Variants in ATRX observed in about 807,000 individuals in gnomAD.
ATRX encodes ATRX chromatin remodeler.
ATRX carries 12 observed loss-of-function variants against 172.6 expected under a neutral mutation model. The observed-to-expected ratio is 0.07, with a 90% CI of 0.04 to 0.11. The LOEUF (loss-of-function observed/expected upper bound fraction) is 0.11, where lower values mean the gene tolerates loss of function less well. Ranked by LOEUF, ATRX falls within the 10% of genes least tolerant of loss-of-function variation. The probability of loss-of-function intolerance (pLI) is 1.00; values close to 1 mark genes in which losing one functional copy is unlikely to be tolerated. For missense variants in ATRX, 1,368 were observed against 1,767.4 expected (o/e 0.77, Z 4.05); for synonymous variants, 674 against 594.7 (o/e 1.13, Z -1.94).
At chrX:77,561,944 C>T (rs1208843588) in intron 28 of ATRX, among the ~76,000 whole-genome samples, 1 of 111,549 alleles carries the variant, frequency 9.0e-6, no homozygotes, top group Non-Finnish European at 1.9e-5. Flanking sequence ...TGTAGAATCA[C>T]ATAACCATTA....
At chrX:77,718,794 C>T (rs2073590392) in intron 1 of ATRX, among the ~76,000 whole-genome samples, 1 of 108,871 alleles carries the variant, frequency 9.2e-6, no homozygotes, top group African/African-American at 3.4e-5. Context: ...TAGAGTTAGC[C>T]TCTTGCTCTG....
intron 30 of ATRX, among the ~76,000 whole-genome samples, chrX:77,533,338 C>T (rs2063644070): frequency 8.9e-6 from 1 of 112,123 alleles, no homozygotes; most frequent in Admixed American, 9.5e-5. Flanking sequence ...ATGTTCACTG[C>T]AGCACTATTT....
intron 1 of ATRX, among the ~76,000 whole-genome samples, chrX:77,750,663 A>G (rs1181595955): frequency 9.1e-6 from 1 of 109,432 alleles, no homozygotes; most frequent in Admixed American, 9.9e-5. Context: ...ATTTGTCCTA[A>G]TGCACTCCCT....
At chrX:77,635,887 A>G (rs1432389382) in intron 16 of ATRX, 28 bp downstream of exon 16, 2 of 1,174,604 alleles carry the variant, frequency 1.7e-6, no homozygotes, top group East Asian at 3.0e-5. Flanking sequence ...TTAACTAAAA[A>G]TTATTGAATC....
rs2074550684 is a variant in ATRX at position 77,736,110 on chromosome X, C to A, written c.21-18867G>T. On this transcript the variant is annotated intron_variant, in intron 1 of 34. Transcript: ENST00000373344. ...TTATCTAAAACTTCAATTTATGAAT[C>A]CTCTACAAGAAAACATTGGGGAAAC... 2.7e-5 allele frequency among the ~76,000 whole-genome samples: 3 copies of A among 111,359 alleles called. No homozygotes were observed. The South Asian group carries it at 1.1e-3, about 41-fold the overall frequency.
chrX:77,689,280 TG>T (rs1470189396), intron 6 of ATRX, among the ~76,000 whole-genome samples: 3 of 112,071 alleles, frequency 2.7e-5, no homozygotes, highest in African/African-American at 9.7e-5. Flanking sequence ...CCTTAAAGAA[TG>T]GGGAAGTAAG....
chrX:77,716,074 C>T (rs2073360946), intron 2 of ATRX, among the ~76,000 whole-genome samples: 1 of 101,655 alleles, frequency 9.8e-6, no homozygotes, highest in African/African-American at 3.7e-5. Flanking sequence ...AGTCCAAGAC[C>T]AGTCTGGACA....
At chrX:77,676,447 T>C (rs1363047763) in intron 9 of ATRX, 149 bp from the exon 10 acceptor site, 26 of 418,378 alleles carry the variant, frequency 6.2e-5, no homozygotes, top group Admixed American at 5.2e-4. Context: ...AGCATTCTTA[T>C]AGAAAACATA....
chrX:77,561,531 G>T (rs1410157850), intron 28 of ATRX: 1 of 110,718 alleles, frequency 9.0e-6, no homozygotes, highest in Non-Finnish European at 1.9e-5. Flanking sequence ...TTTGATAAAA[G>T]CATTTCTGTC....
chrX:77,573,990 A>T lies in ATRX; in HGVS notation c.6326+260T>A, dbSNP rs782272475. On this transcript the variant is annotated intron_variant, in intron 28 of 34. Transcript: ENST00000373344. ...AATGGAAGACTATACAACAATTTTT[A>T]AAAATTATTGGTATATGCAACAATG... 4.5e-5 allele frequency among the ~76,000 whole-genome samples: 5 copies of T among 111,174 alleles called. No individual in the cohort carries two copies. In the South Asian group the frequency reaches 1.1e-3, roughly 25 times the overall value.
chrX:77,628,673 T>A (rs1219351889), intron 19 of ATRX, among the ~76,000 whole-genome samples: 1 of 112,104 alleles, frequency 8.9e-6, no homozygotes, highest in Non-Finnish European at 1.9e-5. Context: ...ATCTCAGTGA[T>A]CATAGTTCAC....
chrX:77,519,564 G>A (rs369625803), intron 34 of ATRX, among the ~76,000 whole-genome samples: 6 of 110,797 alleles, frequency 5.4e-5, no homozygotes, highest in Admixed American at 1.9e-4. Flanking sequence ...GTGAGACCCC[G>A]TCTCTACAAA....
chrX:77,550,599 T>G (rs1417290831), intron 30 of ATRX, among the ~76,000 whole-genome samples: 1 of 111,351 alleles, frequency 9.0e-6, no homozygotes, highest in African/African-American at 3.3e-5. Flanking sequence ...CAACATAGTG[T>G]TGGAAGTTCT....
chrX:77,768,301 T>G (rs1044636798), intron 1 of ATRX, among the ~76,000 whole-genome samples: 1 of 111,951 alleles, frequency 8.9e-6, no homozygotes, highest in Non-Finnish European at 1.9e-5. Flanking sequence ...ACAGTCCTCA[T>G]AGACATCTGG....
chrX:77,516,161 C>T (rs1416650090), intron 34 of ATRX, among the ~76,000 whole-genome samples: 1 of 111,406 alleles, frequency 9.0e-6, no homozygotes, highest in Non-Finnish European at 1.9e-5. Context: ...ATAATCTGTA[C>T]AACAAACCCG....
At chrX:77,584,122 G>T (rs1718990658) in intron 27 of ATRX, among the ~76,000 whole-genome samples, 1 of 111,511 alleles carries the variant, frequency 9.0e-6, no homozygotes, top group Admixed American at 9.5e-5. Flanking sequence ...CCAAAGAAGT[G>T]AAAGATCTCT....
intron 27 of ATRX, among the ~76,000 whole-genome samples, chrX:77,584,131 C>T (rs1203198229): frequency 9.0e-6 from 1 of 111,287 alleles, no homozygotes; most frequent in African/African-American, 3.3e-5. Context: ...TGAAAGATCT[C>T]TACAATGAAA....
intron 1 of ATRX, among the ~76,000 whole-genome samples, chrX:77,728,779 A>G (rs1557174569): frequency 1.5e-5 from 1 of 68,306 alleles, no homozygotes; most frequent in Admixed American, 1.8e-4. Context: ...TTTTTTTTTG[A>G]GTTGGAGTCT....
chrX:77,672,477 C>T (rs1170741333), intron 10 of ATRX, among the ~76,000 whole-genome samples: 5 of 108,438 alleles, frequency 4.6e-5, no homozygotes, highest in Non-Finnish European at 7.7e-5. Context: ...GCTGGATTAA[C>T]AATACAGAGC....
Sources: allele counts gnomAD v4.1 joint callset (sites outside exome capture counted in the v4.1 genomes callset), GRCh38; gene constraint gnomAD v4.1.1; transcripts MANE v1.5; gene names NCBI Gene and HGNC (gene_info 2026-07-23, HGNC 2026-07-21).